Variants in HECW1 observed in about 807,000 individuals in gnomAD.
HECW1 encodes the protein E3 ubiquitin-protein ligase HECW1.
Under a neutral mutation model 182.3 loss-of-function variants are expected in HECW1, and 61 were observed. The ratio of observed to expected loss-of-function variants is 0.33; its 90% CI spans 0.27 to 0.41. The LOEUF (loss-of-function observed/expected upper bound fraction) is 0.41, where lower values mean the gene tolerates loss of function less well. HECW1 is among the 10% of genes least tolerant of loss of function. HECW1 has a pLI of 1.00. For synonymous variants in HECW1, 859 were observed against 832.6 expected (o/e 1.03, Z -0.55); for missense variants, 1,739 against 2,108.9 (o/e 0.82, Z 3.44).
intron 2 of HECW1, among the ~76,000 whole-genome samples, chr7:43,203,031 G>A (rs1482896443): frequency 6.6e-6 from 1 of 152,024 alleles, no homozygotes; most frequent in Non-Finnish European, 1.5e-5. Context: ...CTGCCCCCAG[G>A]TGAAATGAAC....
chr7:43,129,285 C>A (rs1786638871), intron 2 of HECW1, among the ~76,000 whole-genome samples: 1 of 152,136 alleles, frequency 6.6e-6, no homozygotes, highest in Non-Finnish European at 1.5e-5. Context: ...CCACGGTCAC[C>A]CAACCTTCAG....
intron 28 of HECW1, among the ~76,000 whole-genome samples, chr7:43,553,768 A>G (rs2081929992): frequency 6.6e-6 from 1 of 151,434 alleles, no homozygotes; most frequent in Non-Finnish European, 1.5e-5. Context: ...CCTCTACTCT[A>G]GTGGCTTACT....
intron 3 of HECW1, among the ~76,000 whole-genome samples, chr7:43,284,248 T>G (rs1804311514): frequency 6.6e-6 from 1 of 152,208 alleles, no homozygotes; most frequent in Admixed American, 6.5e-5. Flanking sequence ...ATGAAAATCA[T>G]ATTTCTTTAT....
At position 43,144,112 on chromosome 7, in the gene HECW1, C is replaced by T. The variant is rs768971989; in HGVS notation, c.-32+29721C>T. 5.9e-5 allele frequency among the ~76,000 whole-genome samples: 9 copies of T among 152,122 alleles called. No individual in the cohort carries two copies. The South Asian group carries it at 8.3e-4, about 14-fold the overall frequency. On this transcript the variant is annotated intron_variant, in intron 2 of 29. Coordinates refer to ENST00000395891, the MANE Select transcript of HECW1 (RefSeq NM_015052.5). ...ACACCTGTTGGCTGTAAGAGTTTCT[C>T]GGACGTTCCTTGTTTTTGATGACCT... is the stretch of plus-strand genomic sequence containing the variant.
At chr7:43,505,317 T>A (rs2079532498) in intron 21 of HECW1, among the ~76,000 whole-genome samples, 1 of 152,176 alleles carries the variant, frequency 6.6e-6, no homozygotes, top group Non-Finnish European at 1.5e-5. Flanking sequence ...GCCTCTTAAA[T>A]ACATCTCCTC....
chr7:43,310,500 G>A (rs1203397651), intron 3 of HECW1, among the ~76,000 whole-genome samples: 1 of 152,176 alleles, frequency 6.6e-6, no homozygotes, highest in African/African-American at 2.4e-5. Context: ...ACCATCAGTA[G>A]GGCCAAAGGA....
chr7:43,162,309 A>C (rs905748928), intron 2 of HECW1, among the ~76,000 whole-genome samples: 2 of 152,258 alleles, frequency 1.3e-5, no homozygotes, highest in African/African-American at 4.8e-5. Flanking sequence ...GAAGTCTGAG[A>C]TCCAGGCATT....
chr7:43,128,885 A>C (rs1392908053), intron 2 of HECW1, among the ~76,000 whole-genome samples: 1 of 152,028 alleles, frequency 6.6e-6, no homozygotes, highest in African/African-American at 2.4e-5. Context: ...CAGTGGAGGA[A>C]GTCACTGCAG....
intron 24 of HECW1, among the ~76,000 whole-genome samples, chr7:43,529,588 T>G (rs1026750343): frequency 6.6e-6 from 1 of 152,192 alleles, no homozygotes; most frequent in African/African-American, 2.4e-5. Context: ...CACTGTGAGA[T>G]GACTTCAGAC....
At chr7:43,454,011 A>G (rs1267030090) in intron 12 of HECW1, among the ~76,000 whole-genome samples, 4 of 152,254 alleles carry the variant, frequency 2.6e-5, no homozygotes, top group Non-Finnish European at 5.9e-5. Context: ...AATACATTCC[A>G]GGTATTTAAT....
chr7:43,360,566 T>C (rs182817673), intron 5 of HECW1, among the ~76,000 whole-genome samples: 5 of 152,316 alleles, frequency 3.3e-5, no homozygotes, highest in East Asian at 1.9e-4. Flanking sequence ...AGACAGGTGA[T>C]AGGCATCCAC....
chr7:43,445,724 A>G (rs1017062548), intron 11 of HECW1, among the ~76,000 whole-genome samples, 154 bp downstream of exon 11: 1 of 152,202 alleles, frequency 6.6e-6, no homozygotes, highest in Non-Finnish European at 1.5e-5. Flanking sequence ...GTGCATGTGT[A>G]TCTGTGTATG....
At position 43,500,714 on chromosome 7, in the gene HECW1, C is replaced by T; in HGVS notation, c.3453C>T (p.Tyr1151=). ...RNHTLREKIH[Y]IRTEGNHGLE... ...CATGATTCAGGGAGAAAATCCATTA[C>T]ATTCGGACTGAGGGTAATCACGGGC... Residue 1151 remains tyrosine (Y), a synonymous_variant, in exon 20 of 30, where the codon TAC becomes TAT. Transcript: ENST00000395891. 6.2e-7 allele frequency: 1 copy of T among 1,613,648 alleles called. No homozygotes were observed. Among genetic ancestry groups the T allele is most frequent in the Non-Finnish European group, 8.5e-7 (1 of 1,179,570 alleles).
intron 8 of HECW1, among the ~76,000 whole-genome samples, chr7:43,416,309 C>G (rs1047154697): frequency 1.3e-5 from 2 of 151,252 alleles, no homozygotes; most frequent in African/African-American, 4.9e-5. Flanking sequence ...CAGTGTGCCC[C>G]TGCTGGGGGG....
At chr7:43,172,635 A>T (rs867876043) in intron 2 of HECW1, among the ~76,000 whole-genome samples, 4 of 152,218 alleles carry the variant, frequency 2.6e-5, no homozygotes, top group Admixed American at 2.6e-4. Flanking sequence ...ACATGAGACA[A>T]TTAGGGTTCA....
intron 2 of HECW1, among the ~76,000 whole-genome samples, chr7:43,174,871 C>T (rs1244736364): frequency 1.3e-5 from 2 of 152,126 alleles, no homozygotes; most frequent in South Asian, 2.1e-4. Flanking sequence ...CCCCTAACAG[C>T]AACTCAGATG....
At chr7:43,208,632 G>C (rs1382162595) in intron 2 of HECW1, among the ~76,000 whole-genome samples, 1 of 152,250 alleles carries the variant, frequency 6.6e-6, no homozygotes, top group African/African-American at 2.4e-5. Flanking sequence ...GGAAGCAAAT[G>C]TGTGTCTTTT....
At chr7:43,258,875 A>T (rs551605561) in intron 3 of HECW1, 2 of 152,156 alleles carry the variant, frequency 1.3e-5, no homozygotes, top group African/African-American at 4.8e-5. Flanking sequence ...GTAGGGTGAA[A>T]GCTTGGATAG....
chr7:43,340,801 A>C (rs1236578171), intron 5 of HECW1, among the ~76,000 whole-genome samples: 1 of 151,666 alleles, frequency 6.6e-6, no homozygotes, highest in East Asian at 1.9e-4. Context: ...CCCTGATCCC[A>C]TTACTGGGTA....
Sources: allele counts gnomAD v4.1 joint callset (sites outside exome capture counted in the v4.1 genomes callset), GRCh38; gene constraint gnomAD v4.1.1; transcripts MANE v1.5; gene names NCBI Gene and HGNC (gene_info 2026-07-23, HGNC 2026-07-21).